Variants in PELI2 observed in about 807,000 individuals in gnomAD.
The protein encoded by PELI2 is pellino E3 ubiquitin protein ligase family member 2.
Under a neutral mutation model 42.3 loss-of-function variants are expected in PELI2, and 23 were observed. That is an observed-to-expected ratio of 0.54 (90% CI 0.39 to 0.77). The LOEUF is 0.77. Ranked by LOEUF, PELI2 falls within the 30% of genes least tolerant of loss-of-function variation. PELI2 has a pLI of 0.00. For synonymous variants in PELI2, 245 were observed against 212.2 expected (o/e 1.15, Z -1.34); for missense variants, 463 against 553.2 (o/e 0.84, Z 1.64).
intron 2 of PELI2, among the ~76,000 whole-genome samples, chr14:56,228,696 G>A (rs1287217027): frequency 1.3e-5 from 2 of 152,246 alleles, no homozygotes; most frequent in Non-Finnish European, 2.9e-5. Context: ...CGATGCAGAA[G>A]ACGGATGATT....
chr14:56,235,036 A>G (rs1341052566), intron 2 of PELI2, among the ~76,000 whole-genome samples: 4 of 152,164 alleles, frequency 2.6e-5, no homozygotes, highest in African/African-American at 9.7e-5. Context: ...CGTTTGTTTC[A>G]CATCTAAGAA....
At chr14:56,158,383 C>T (rs1884642102) in intron 1 of PELI2, among the ~76,000 whole-genome samples, 1 of 152,080 alleles carries the variant, frequency 6.6e-6, no homozygotes, top group South Asian at 2.1e-4. Flanking sequence ...ACTGTGTCAC[C>T]TAGGCTGGAG....
intron 1 of PELI2, among the ~76,000 whole-genome samples, chr14:56,175,981 A>G (rs1236599627): frequency 2.6e-5 from 4 of 152,062 alleles, no homozygotes; most frequent in African/African-American, 9.7e-5. Context: ...CTGTGTTTAC[A>G]TTTTACAGCT....
At position 56,299,486 on chromosome 14, in the gene PELI2, T is replaced by G. The variant is rs1401671114; in HGVS notation, c.*2320T>G. 2 of 152,186 alleles carry G rather than the reference T, an allele frequency of 1.3e-5. No individual in the cohort carries two copies. Among genetic ancestry groups the G allele is most frequent in the African/African-American group, 4.8e-5 (2 of 41,454 alleles). 9.4% of individuals were successfully genotyped at this position (152,186 alleles called of 1,614,324 possible). ...GGGCTCCACATCTTTTCCTTTGGCT[T>G]CCAAAGTCAGGTCCCGCCCACCCTG... On this transcript the variant is annotated 3_prime_UTR_variant, in exon 6 of 6. Transcript: ENST00000267460.
At chr14:56,256,100 A>G (rs996065241) in intron 2 of PELI2, among the ~76,000 whole-genome samples, 2 of 152,166 alleles carry the variant, frequency 1.3e-5, no homozygotes, top group African/African-American at 4.8e-5. Flanking sequence ...ATCGGTGCTC[A>G]TGATGGAGTC....
At chr14:56,204,899 C>A (rs968158073) in intron 2 of PELI2, among the ~76,000 whole-genome samples, 2 of 151,882 alleles carry the variant, frequency 1.3e-5, no homozygotes, top group African/African-American at 4.8e-5. Context: ...GGCGTGGTGG[C>A]ACGAGCCTGT....
intron 1 of PELI2, among the ~76,000 whole-genome samples, chr14:56,162,861 G>C (rs1884814658): frequency 1.3e-5 from 2 of 152,068 alleles, no homozygotes; most frequent in African/African-American, 4.8e-5. Context: ...CTGATGATCA[G>C]TTATGTTGAG....
chr14:56,133,390 G>T (rs918278703), intron 1 of PELI2, among the ~76,000 whole-genome samples: 8 of 152,174 alleles, frequency 5.3e-5, no homozygotes, highest in African/African-American at 9.7e-5. Flanking sequence ...GTTTTAACAG[G>T]ATATATGGGA....
chr14:56,183,503 G>A (rs1415512221), intron 2 of PELI2, among the ~76,000 whole-genome samples: 1 of 152,106 alleles, frequency 6.6e-6, no homozygotes, highest in Non-Finnish European at 1.5e-5. Flanking sequence ...CTGACATTAA[G>A]TATTTATTAG....
chr14:56,260,193 A>G (rs1888662833), intron 2 of PELI2, among the ~76,000 whole-genome samples: 1 of 152,112 alleles, frequency 6.6e-6, no homozygotes, highest in African/African-American at 2.4e-5. Flanking sequence ...ATATATCCCC[A>G]GATATATACA....
intron 2 of PELI2, among the ~76,000 whole-genome samples, chr14:56,213,861 G>GA (rs1886798808): frequency 6.6e-6 from 1 of 152,016 alleles, no homozygotes; most frequent in African/African-American, 2.4e-5. Context: ...TTTGGTTTTG[G>GA]GTTTTTTTGA....
chr14:56,191,213 C>T (rs1457964634), intron 2 of PELI2, among the ~76,000 whole-genome samples: 2 of 152,182 alleles, frequency 1.3e-5, no homozygotes, highest in African/African-American at 4.8e-5. Flanking sequence ...GGCCACATAA[C>T]TGATGGAATG....
chr14:56,282,802 G>T (rs1464322516), intron 3 of PELI2, among the ~76,000 whole-genome samples: 1 of 151,854 alleles, frequency 6.6e-6, no homozygotes, highest in Non-Finnish European at 1.5e-5. Context: ...CTCCCCTGTT[G>T]ATATTTTTAT....
intron 1 of PELI2, among the ~76,000 whole-genome samples, chr14:56,153,112 C>G (rs934566169): frequency 1.3e-5 from 2 of 152,140 alleles, no homozygotes; most frequent in Non-Finnish European, 2.9e-5. Flanking sequence ...CCTGGAGATT[C>G]ATAACTCTTT....
In PELI2 at chr14:56,209,594, T is replaced by C. The variant is rs1444196635; in HGVS notation, c.207+31130T>C. Among the ~76,000 whole-genome samples the C allele has an allele frequency of 3.3e-5, 5 of 152,202 alleles. No homozygotes were observed. The East Asian group carries it at 9.6e-4, about 29-fold the overall frequency. Reference sequence around the variant, plus strand: ...GTTACTATTGTTTTTTGTAAGCGAATAAATGAATAAAAATTTTTAATTTTA... The same window carrying C: ...GTTACTATTGTTTTTTGTAAGCGAACAAATGAATAAAAATTTTTAATTTTA... On this transcript the variant is annotated intron_variant, in intron 2 of 5. Transcript: ENST00000267460.
intron 2 of PELI2, among the ~76,000 whole-genome samples, chr14:56,267,638 G>A (rs1172955086): frequency 1.3e-5 from 2 of 152,030 alleles, no homozygotes; most frequent in African/African-American, 4.8e-5. Flanking sequence ...TATTTTCATG[G>A]TTCTGTATAA....
At chr14:56,242,926 A>G (rs1272057670) in intron 2 of PELI2, among the ~76,000 whole-genome samples, 6 of 152,228 alleles carry the variant, frequency 3.9e-5, no homozygotes, top group Non-Finnish European at 8.8e-5. Flanking sequence ...TGATGGGTGC[A>G]CCACAATCCC....
chr14:56,124,448 C>G (rs1256251555), intron 1 of PELI2, among the ~76,000 whole-genome samples: 1 of 152,198 alleles, frequency 6.6e-6, no homozygotes, highest in Admixed American at 6.5e-5. Context: ...GTCTACTCTT[C>G]CAGGCATGAG....
intron 2 of PELI2, among the ~76,000 whole-genome samples, chr14:56,212,883 C>T (rs1246151167): frequency 6.6e-6 from 1 of 152,174 alleles, no homozygotes; most frequent in African/African-American, 2.4e-5. Flanking sequence ...ATGGCTGAGA[C>T]ATCAAACTAA....
Sources: allele counts gnomAD v4.1 joint callset (sites outside exome capture counted in the v4.1 genomes callset), GRCh38; gene constraint gnomAD v4.1.1; transcripts MANE v1.5; gene names NCBI Gene and HGNC (gene_info 2026-07-23, HGNC 2026-07-21).